PROM1: variants seen among roughly 807,000 people sequenced by gnomAD.
The protein encoded by PROM1 is prominin 1, also known as prominin-1.
A neutral mutation model predicts 116.9 loss-of-function variants in PROM1; 105 were observed. The observed-to-expected ratio is 0.90, with a 90% CI of 0.77 to 1.06. The LOEUF is 1.06. Among genes scored for constraint, PROM1 ranks in the 50% least tolerant of loss-of-function variants. The pLI is 0.00. For synonymous variants in PROM1, 393 were observed against 387.0 expected (o/e 1.02, Z -0.18); for missense variants, 1,122 against 1,045.2 (o/e 1.07, Z -1.01).
chr4:16,041,992 T>A (rs1294172446), intron 2 of PROM1, among the ~76,000 whole-genome samples: 2 of 152,004 alleles, frequency 1.3e-5, no homozygotes, highest in Non-Finnish European at 2.9e-5. Flanking sequence ...AATTTGCTTT[T>A]TTGTAGAGAT....
intron 5 of PROM1, among the ~76,000 whole-genome samples, chr4:16,029,401 G>A (rs1337533862): frequency 4.0e-5 from 6 of 151,444 alleles, no homozygotes; most frequent in East Asian, 3.8e-4. Flanking sequence ...GAAATGCAGC[G>A]GTGACAAGCA....
At chr4:16,012,933 T>A (rs947668275) in intron 11 of PROM1, among the ~76,000 whole-genome samples, 22 of 148,426 alleles carry the variant, frequency 1.5e-4, no homozygotes, top group Admixed American at 1.4e-3. Context: ...AATATAATAA[T>A]CTACAGTTTT....
At chr4:16,076,497 C>T (rs2149589489) in intron 1 of PROM1, 1 of 152,796 alleles carries the variant, frequency 6.5e-6, no homozygotes, top group African/African-American at 2.4e-5. Context: ...GGCATTATTC[C>T]ATTTTGCAGA....
intron 2 of PROM1, among the ~76,000 whole-genome samples, chr4:16,056,513 T>A (rs1457672424): frequency 6.6e-6 from 1 of 151,860 alleles, no homozygotes; most frequent in Non-Finnish European, 1.5e-5. Context: ...GTCTATCAAG[T>A]GAGATAAACA....
At chr4:16,020,492 CCAGAAATACA>C (rs1291316336) in intron 8 of PROM1, among the ~76,000 whole-genome samples, 2 of 152,040 alleles carry the variant, frequency 1.3e-5, no homozygotes, top group Non-Finnish European at 2.9e-5. Context: ...TCAGCTGCAA[CCAGAAATACA>C]CAGAAATACA....
intron 6 of PROM1, among the ~76,000 whole-genome samples, 188 bp from the exon 7 acceptor site, chr4:16,024,546 T>C (rs1730752497): frequency 6.6e-6 from 1 of 152,218 alleles, no homozygotes; most frequent in South Asian, 2.1e-4. Context: ...GGCTGCTTCC[T>C]GCCCAGACAC....
chr4:15,979,374 C>T (rs764065998), intron 26 of PROM1, 21 bp downstream of exon 26: 59 of 1,613,502 alleles, frequency 3.7e-5, no homozygotes, highest in Admixed American at 6.7e-5. Context: ...GGCGGGCATG[C>T]ACTTCCAGAC....
At chr4:15,977,239 TAGAAC>T (rs1716384667) in intron 26 of PROM1, among the ~76,000 whole-genome samples, 1 of 152,114 alleles carries the variant, frequency 6.6e-6, no homozygotes, top group Non-Finnish European at 1.5e-5. Context: ...TGACTCTTCT[TAGAAC>T]AGAGAGTACT....
At chr4:16,075,435 C>G (rs1387782026) in intron 2 of PROM1, among the ~76,000 whole-genome samples, 5 of 152,132 alleles carry the variant, frequency 3.3e-5, no homozygotes, top group Non-Finnish European at 5.9e-5. Flanking sequence ...CAAAACCAAG[C>G]AAAACAAAAG....
intron 8 of PROM1, among the ~76,000 whole-genome samples, chr4:16,018,782 C>T (rs1398084436): frequency 6.6e-6 from 1 of 152,136 alleles, no homozygotes; most frequent in African/African-American, 2.4e-5. Flanking sequence ...GGGGCAAGCA[C>T]CAACCCAGGA....
At chr4:16,040,881 CTT>C (rs546403531) in intron 2 of PROM1, among the ~76,000 whole-genome samples, 1 of 150,202 alleles carries the variant, frequency 6.7e-6, no homozygotes, top group African/African-American at 2.4e-5. Flanking sequence ...TATCCATTCA[CTT>C]TTTTTTTTCC....
chr4:16,062,625 T>G (rs966675373), intron 2 of PROM1, among the ~76,000 whole-genome samples: 1 of 152,230 alleles, frequency 6.6e-6, no homozygotes, highest in African/African-American at 2.4e-5. Context: ...TTTTAGTTTT[T>G]GCTATACTTC....
chr4:16,074,790 CCT>C (rs1044109305), intron 2 of PROM1, among the ~76,000 whole-genome samples: 8 of 152,248 alleles, frequency 5.3e-5, no homozygotes, highest in African/African-American at 1.4e-4. Flanking sequence ...TCTCTTCCTC[CCT>C]CTCTCTCACA....
chr4:16,025,419 C>T, intron 5 of PROM1, 107 bp from the exon 6 acceptor site: 1 of 1,373,368 alleles, frequency 7.3e-7, no homozygotes, highest in South Asian at 1.3e-5. Context: ...CGCAGAAGGA[C>T]TGGCCTTTCC....
intron 5 of PROM1, among the ~76,000 whole-genome samples, chr4:16,027,045 T>C (rs762263472): frequency 5.3e-5 from 8 of 152,336 alleles, no homozygotes; most frequent in South Asian, 2.1e-4. Flanking sequence ...TCTCAAGCTG[T>C]AAAGGAGAGT....
At position 16,023,433 on chromosome 4, in the gene PROM1, C is replaced by A. The variant is rs1730422812; in HGVS notation, c.695-18G>T. ...ATTGATACCTACATGCAAATAAGCA[C>A]AAAGATGGTGAGGGTGGCCTCTGCT... On this transcript the variant is annotated intron_variant, in intron 7 of 27. Transcript: ENST00000447510. 1 of 1,560,622 alleles carries A rather than the reference C, an allele frequency of 6.4e-7. No homozygotes were observed. Among genetic ancestry groups the A allele is most frequent in the Admixed American group, 1.8e-5 (1 of 55,882 alleles).
rs3221933 is a variant in PROM1 at position 16,005,495 on chromosome 4, G to GGT, written c.1454+1041_1454+1042dup. On this transcript the variant is annotated intron_variant, in intron 13 of 27. Transcript: ENST00000447510. ...GTGACCCAAAGTTTTTTGTTTGTTT[G>GGT]GTGTGTGTGTGTGTGTGTGTGTGTG... Among the ~76,000 whole-genome samples, 1,323 of 145,878 alleles carry GGT rather than the reference G, an allele frequency of 9.1e-3. 8 individuals are homozygous for GGT. Among genetic ancestry groups the GGT allele is most frequent in the Middle Eastern group, 0.014 (4 of 292 alleles).
At chr4:16,040,356 G>T (rs35073197) in intron 2 of PROM1, among the ~76,000 whole-genome samples, 20,013 of 152,122 alleles carry the variant, frequency 0.13, 1,739 homozygotes, top group East Asian at 0.3. Flanking sequence ...AAGGACCAGA[G>T]GGACACTGAG....
intron 10 of PROM1, 123 bp downstream of exon 10, chr4:16,016,043 A>C (rs1475306058): frequency 2.4e-6 from 2 of 837,134 alleles, no homozygotes; most frequent in Non-Finnish European, 3.8e-6. Flanking sequence ...AATAGCTATC[A>C]CCCTTCTTGG....
Sources: allele counts gnomAD v4.1 joint callset (sites outside exome capture counted in the v4.1 genomes callset), GRCh38; gene constraint gnomAD v4.1.1; transcripts MANE v1.5; gene names NCBI Gene and HGNC (gene_info 2026-07-23, HGNC 2026-07-21).